The following NPRL3 variants were observed in gnomAD, a reference collection of about 807,000 sequenced individuals.
NPRL3 encodes NPR3 like, GATOR1 complex subunit.
NPRL3 carries 23 observed loss-of-function variants against 57.2 expected under a neutral mutation model. That is an observed-to-expected ratio of 0.40 (90% CI 0.29 to 0.57). NPRL3 has a LOEUF of 0.57. Ranked by LOEUF, NPRL3 falls within the 20% of genes least tolerant of loss-of-function variation. NPRL3 has a pLI of 0.42. For missense variants in NPRL3, 691 were observed against 767.1 expected (o/e 0.90, Z 1.17); for synonymous variants, 333 against 321.1 (o/e 1.04, Z -0.39).
At position 98,164 on chromosome 16, in the gene NPRL3, G is replaced by A. The variant is rs777790535; in HGVS notation, c.905C>T (p.Ala302Val). The change falls in exon 9 of 14, where the codon GCG (alanine) becomes GTG (valine). Residue 302 changes from alanine to valine, a missense_variant. Ala to Val is a moderately conservative substitution (Grantham distance 64). Transcript: ENST00000611875. The part of the protein sequence containing the change: ...VKNLQQLAQD[A>V]DLALLQVFQL... ...CTATACCTGCAGCAAGGCCAGGTCC[G>A]CATCTTGGGCTAGCTGCTGCAGGTT... 20 of 1,613,834 alleles carry A rather than the reference G, an allele frequency of 1.2e-5. No homozygotes were observed. Among genetic ancestry groups the A allele is most frequent in the South Asian group, 5.5e-5 (5 of 91,074 alleles).
At chr16:100,776 T>C (rs1230492307) in intron 7 of NPRL3, among the ~76,000 whole-genome samples, 3 of 23,640 alleles carry the variant, frequency 1.3e-4, no homozygotes, top group African/African-American at 7.1e-4. Flanking sequence ...GAGACCAGCC[T>C]GGCTAATAAC....
intron 6 of NPRL3, among the ~76,000 whole-genome samples, chr16:111,317 G>A (rs1195873331): frequency 6.6e-6 from 1 of 152,032 alleles, no homozygotes; most frequent in African/African-American, 2.4e-5. Context: ...GAAGAATGGC[G>A]TGAACCCAGG....
chr16:88,675 C>A (rs766284860), intron 13 of NPRL3, 23 bp downstream of exon 13: 19 of 1,591,772 alleles, frequency 1.2e-5, no homozygotes, highest in Non-Finnish European at 1.3e-5. Flanking sequence ...GGCCCCAGTC[C>A]CAACGGGTCA....
At chr16:89,179 C>T in intron 12 of NPRL3, 1 of 438,806 alleles carries the variant, frequency 2.3e-6, no homozygotes, top group Non-Finnish European at 4.1e-6. Context: ...GGCATCCTGT[C>T]CCTCACCCAG....
At chr16:107,520 T>C (rs769776164) in intron 7 of NPRL3, among the ~76,000 whole-genome samples, 11 of 148,594 alleles carry the variant, frequency 7.4e-5, no homozygotes, top group Non-Finnish European at 1.5e-4. Flanking sequence ...GATGTGCACC[T>C]GTAGTCCCAG....
At chr16:111,350 A>G (rs1352665235) in intron 6 of NPRL3, among the ~76,000 whole-genome samples, 1 of 152,170 alleles carries the variant, frequency 6.6e-6, no homozygotes, top group Non-Finnish European at 1.5e-5. Flanking sequence ...CAGTGAGCAG[A>G]GATCACACCA....
chr16:118,935 G>C (rs1007072485), intron 4 of NPRL3, among the ~76,000 whole-genome samples, 191 bp downstream of exon 4: 6 of 151,830 alleles, frequency 4.0e-5, no homozygotes, highest in African/African-American at 1.5e-4. Context: ...CCTGCCCAGG[G>C]GAAGCCACAT....
chr16:121,701 T>C (rs1291036253), intron 3 of NPRL3, among the ~76,000 whole-genome samples: 1 of 152,072 alleles, frequency 6.6e-6, no homozygotes, highest in Non-Finnish European at 1.5e-5. Flanking sequence ...TTAGCCATTG[T>C]TTATCTGAGC....
chr16:118,815 G>A (rs1427579032), intron 4 of NPRL3, among the ~76,000 whole-genome samples: 1 of 151,622 alleles, frequency 6.6e-6, no homozygotes, highest in Non-Finnish European at 1.5e-5. Flanking sequence ...CATCTGCCCA[G>A]AGGGTCTGTG....
intron 8 of NPRL3, 80 bp from the exon 9 acceptor site, chr16:98,381 A>ATGCACCGGGTATGCACCAGGTCC (rs1254784282): frequency 1.4e-6 from 2 of 1,456,786 alleles, no homozygotes; most frequent in East Asian, 2.4e-5. Context: ...TGCACCAGGT[A>ATGCACCGGGTATGCACCAGGTCC]TGCACCGGGT....
At chr16:105,774 C>T (rs1899499924) in intron 7 of NPRL3, among the ~76,000 whole-genome samples, 1 of 152,192 alleles carries the variant, frequency 6.6e-6, no homozygotes, top group African/African-American at 2.4e-5. Flanking sequence ...GGCTGTGTTG[C>T]AGAAAGTGAA....
intron 7 of NPRL3, among the ~76,000 whole-genome samples, chr16:108,969 CTTT>C (rs951008371): frequency 1.1e-4 from 16 of 148,208 alleles, no homozygotes; most frequent in South Asian, 2.2e-4. Context: ...CGCGCCCGGC[CTTT>C]TTTTTTTCAT....
intron 11 of NPRL3, 115 bp from the exon 12 acceptor site, chr16:90,017 G>T: frequency 1.0e-6 from 1 of 979,986 alleles, no homozygotes; most frequent in Non-Finnish European, 1.5e-6. Flanking sequence ...CTGACGCACA[G>T]GCAGAAAGGC....
intron 2 of NPRL3, among the ~76,000 whole-genome samples, chr16:133,886 T>A (rs9937409): frequency 0.04 from 6,070 of 152,224 alleles, 388 homozygotes; most frequent in African/African-American, 0.14. Context: ...TTCAATATTG[T>A]TGTGTCTAAG....
chr16:112,940 T>TAG (rs1294403430), intron 5 of NPRL3, among the ~76,000 whole-genome samples, 165 bp from the exon 6 acceptor site: 3 of 152,142 alleles, frequency 2.0e-5, no homozygotes, highest in Non-Finnish European at 4.4e-5. Context: ...TGCTGCTCAT[T>TAG]TCCTGAGTCC....
chr16:109,999 G>A (rs915922475), intron 7 of NPRL3, among the ~76,000 whole-genome samples: 8 of 96 alleles, frequency 0.083, no homozygotes, highest in South Asian at 0.25. Flanking sequence ...GCCACTGGCC[G>A]GGCGCGGTGC....
chr16:136,106 C>T (rs951933526), intron 2 of NPRL3, among the ~76,000 whole-genome samples: 1 of 152,208 alleles, frequency 6.6e-6, no homozygotes, highest in African/African-American at 2.4e-5. Context: ...CCCAACCATG[C>T]TACTTTGGGG....
intron 7 of NPRL3, among the ~76,000 whole-genome samples, chr16:103,514 G>A (rs745630095): frequency 9.9e-5 from 15 of 151,908 alleles, no homozygotes; most frequent in Admixed American, 4.6e-4. Context: ...ATCAGAATAC[G>A]GAGGCTCCTA....
chr16:110,255 G>C (rs1242713027), intron 7 of NPRL3, among the ~76,000 whole-genome samples: 1 of 151,414 alleles, frequency 6.6e-6, no homozygotes, highest in Admixed American at 6.6e-5. Context: ...GGCAACAAAA[G>C]CAAAACTCCA....
Sources: allele counts gnomAD v4.1 joint callset (sites outside exome capture counted in the v4.1 genomes callset), GRCh38; gene constraint gnomAD v4.1.1; transcripts MANE v1.5; gene names NCBI Gene and HGNC (gene_info 2026-07-23, HGNC 2026-07-21).